DIS3L: variants seen among roughly 807,000 people sequenced by gnomAD.
DIS3L encodes the protein DIS3-like exonuclease 1.
DIS3L carries 100 observed loss-of-function variants against 120.3 expected under a neutral mutation model. The ratio of observed to expected loss-of-function variants is 0.83; its 90% CI spans 0.71 to 0.98. The LOEUF is 0.98. Ranked by LOEUF, DIS3L falls within the 50% of genes least tolerant of loss-of-function variation. The probability of loss-of-function intolerance (pLI) is 0.00; values close to 1 mark genes in which losing one functional copy is unlikely to be tolerated. For missense variants in DIS3L, 1,196 were observed against 1,314.2 expected (o/e 0.91, Z 1.39); for synonymous variants, 426 against 470.6 (o/e 0.91, Z 1.23).
chr15:66,295,912 G>C (rs2092581850), intron 2 of DIS3L, among the ~76,000 whole-genome samples: 1 of 152,006 alleles, frequency 6.6e-6, no homozygotes. Flanking sequence ...AAAATGTTGT[G>C]GTTTCTTCAG....
chr15:66,332,460 A>T (rs1416896608), intron 15 of DIS3L, among the ~76,000 whole-genome samples: 3 of 137,438 alleles, frequency 2.2e-5, no homozygotes, highest in South Asian at 2.3e-4. Context: ...CTGTCTCAAA[A>T]AAAAAAAAAA....
intron 6 of DIS3L, 111 bp from the exon 7 acceptor site, chr15:66,314,925 C>T (rs768212497): frequency 8.8e-7 from 1 of 1,141,724 alleles, no homozygotes; most frequent in Non-Finnish European, 1.2e-6. Flanking sequence ...AAAGAAAAAG[C>T]TTTACTTGCA....
At chr15:66,316,161 A>AC (rs2092814666) in intron 7 of DIS3L, among the ~76,000 whole-genome samples, 3 of 152,204 alleles carry the variant, frequency 2.0e-5, no homozygotes, top group East Asian at 3.9e-4. Context: ...CTTCCCCTGG[A>AC]CGTCTAATGG....
At chr15:66,324,870 A>G (rs1420867279) in intron 11 of DIS3L, among the ~76,000 whole-genome samples, 1 of 152,216 alleles carries the variant, frequency 6.6e-6, no homozygotes, top group Admixed American at 6.5e-5. Flanking sequence ...CTCTTTACAT[A>G]TTAGGAAAAT....
chr15:66,326,728 C>T (rs953252429), intron 12 of DIS3L, among the ~76,000 whole-genome samples: 1 of 151,810 alleles, frequency 6.6e-6, no homozygotes, highest in Admixed American at 6.6e-5. Context: ...TACAGGCACA[C>T]GCCACCATGC....
chr15:66,316,307 CT>C lies in DIS3L; in HGVS notation c.994+1105del, dbSNP rs80217505. Reference sequence around the variant, plus strand: ...CAAGACACCTTGGGGTTATCCTTGACTTTTTTTTTTTTTACTCATCAGTAAA... The same window carrying C: ...CAAGACACCTTGGGGTTATCCTTGACTTTTTTTTTTTTACTCATCAGTAAA... On this transcript the variant is annotated intron_variant, in intron 7 of 16. Coordinates refer to ENST00000319212, the MANE Select transcript of DIS3L (RefSeq NM_001143688.3). Among the ~76,000 whole-genome samples, 1,196 of 146,388 alleles carry C rather than the reference CT, an allele frequency of 8.2e-3. 46 individuals are homozygous for C. The highest frequency in any genetic ancestry group is 0.064 in the Admixed American group (939 of 14,742).
Position 66,325,828 on chromosome 15 carries a change from T to C in DIS3L, c.1668-3T>C, listed in dbSNP as rs2092929472. On this transcript the variant is annotated splice_region_variant and splice_polypyrimidine_tract_variant and intron_variant, in intron 11 of 16. Coordinates refer to ENST00000319212, the MANE Select transcript of DIS3L (RefSeq NM_001143688.3). ...GATGTTGTCAATGTTACTGTTTTTG[T>C]AGGTATGCTGTAAGCATCATGTGGG... The C allele has an allele frequency of 1.3e-6, 2 of 1,580,200 alleles. No individual in the cohort carries two copies. Among genetic ancestry groups the C allele is most frequent in the Admixed American group, 1.8e-5 (1 of 55,172 alleles).
intron 6 of DIS3L, among the ~76,000 whole-genome samples, chr15:66,314,587 G>C (rs2092798405): frequency 1.3e-5 from 2 of 152,202 alleles, no homozygotes; most frequent in Admixed American, 6.5e-5. Flanking sequence ...GCATGGCTGG[G>C]TGGAGAGAGA....
chr15:66,296,114 C>G (rs569043350), intron 2 of DIS3L, among the ~76,000 whole-genome samples: 1 of 152,058 alleles, frequency 6.6e-6, no homozygotes, highest in African/African-American at 2.4e-5. Context: ...TATACACATC[C>G]AAATTTAAAT....
At chr15:66,323,897 T>C (rs963418565) in intron 11 of DIS3L, among the ~76,000 whole-genome samples, 2 of 152,364 alleles carry the variant, frequency 1.3e-5, no homozygotes, top group Admixed American at 6.5e-5. Context: ...TTTGTGCTTA[T>C]GCATTCCCTG....
At chr15:66,294,100 G>C (rs1225359207) in intron 1 of DIS3L, 2 of 985,650 alleles carry the variant, frequency 2.0e-6, no homozygotes, top group African/African-American at 1.7e-5. Context: ...GGGAGGTCCC[G>C]AGCTGGGAGC....
chr15:66,300,006 G>A (rs570212449), intron 2 of DIS3L, among the ~76,000 whole-genome samples: 4 of 152,184 alleles, frequency 2.6e-5, no homozygotes, highest in South Asian at 4.1e-4. Context: ...AGCCAGGATC[G>A]CTCCACTGCA....
Position 66,326,011 on chromosome 15 carries a change from G to A in DIS3L, c.1848G>A (p.Lys616=), listed in dbSNP as rs572842714. Residue 616 remains lysine (K), a synonymous_variant, in exon 12 of 17, where the codon AAG becomes AAA. Transcript: ENST00000319212. ...DIPEFKDLDE[K]SRQAKLEELV... is the part of the protein sequence containing the mutation. Reference sequence around the variant, plus strand: ...CAGAATTCAAAGACTTGGATGAGAAGAGCAGACAAGCCAAGCTGGAGGAGT... The same window carrying A: ...CAGAATTCAAAGACTTGGATGAGAAAAGCAGACAAGCCAAGCTGGAGGAGT... The A allele has an allele frequency of 6.2e-7, 1 of 1,614,186 alleles. No individual in the cohort carries two copies. Among genetic ancestry groups the A allele is most frequent in the South Asian group, 1.1e-5 (1 of 91,088 alleles).
chr15:66,306,753 G>A, intron 2 of DIS3L, 71 bp from the exon 3 acceptor site: 1 of 1,584,364 alleles, frequency 6.3e-7, no homozygotes, highest in Non-Finnish European at 8.6e-7. Flanking sequence ...ATCCTTTTTT[G>A]ATCCTTAGCA....
At chr15:66,295,762 G>A (rs1316808091) in intron 2 of DIS3L, among the ~76,000 whole-genome samples, 4 of 152,138 alleles carry the variant, frequency 2.6e-5, no homozygotes, top group Non-Finnish European at 5.9e-5. Flanking sequence ...TTTGAAAAAC[G>A]ATTTTGCTTC....
In DIS3L at chr15:66,306,968, G is replaced by C; in HGVS notation, c.422+16G>C. ...GGCAGACCAGGTATGGCCCTGACTT[G>C]CTGCTGTTTTCACACTGTCGTCTTC... On this transcript the variant is annotated intron_variant, in intron 3 of 16. Transcript: ENST00000319212. 2 of 1,612,840 alleles carry C rather than the reference G, an allele frequency of 1.2e-6. No individual in the cohort carries two copies. Among genetic ancestry groups the C allele is most frequent in the Non-Finnish European group, 8.5e-7 (1 of 1,179,032 alleles).
At chr15:66,324,250 C>T (rs936394724) in intron 11 of DIS3L, among the ~76,000 whole-genome samples, 1 of 152,180 alleles carries the variant, frequency 6.6e-6, no homozygotes, top group South Asian at 2.1e-4. Flanking sequence ...GTTGCACTAT[C>T]TATGGAAATT....
chr15:66,311,354 G>C (rs974027086), intron 4 of DIS3L, among the ~76,000 whole-genome samples: 2 of 151,902 alleles, frequency 1.3e-5, no homozygotes, highest in Admixed American at 1.3e-4. Context: ...ATAGAATGAG[G>C]TCTTGTCTCA....
intron 12 of DIS3L, among the ~76,000 whole-genome samples, chr15:66,327,699 G>A (rs377585294): frequency 6.6e-5 from 10 of 152,010 alleles, no homozygotes; most frequent in Admixed American, 2.0e-4. Flanking sequence ...ACCCAAAATC[G>A]CACCACTGCA....
Sources: gnomAD v4.1 joint callset for allele counts (sites outside exome capture counted in the v4.1 genomes callset) on GRCh38, gnomAD v4.1.1 for gene constraint, MANE v1.5 for transcripts, NCBI Gene and HGNC (gene_info 2026-07-23, HGNC 2026-07-21) for gene names.